ROR1: variants seen among roughly 807,000 people sequenced by gnomAD.
The protein encoded by ROR1 is inactive tyrosine-protein kinase transmembrane receptor ROR1.
In ROR1, 19 loss-of-function variants were observed where a neutral mutation model predicts 78.8. That is an observed-to-expected ratio of 0.24 (90% CI 0.17 to 0.35). ROR1 has a LOEUF of 0.35. Among genes scored for constraint, ROR1 ranks in the 10% least tolerant of loss-of-function variants. The pLI is 1.00. For missense variants in ROR1, 917 were observed against 1,177.8 expected, an observed-to-expected ratio of 0.78 and a Z score of 3.24; for synonymous variants, 386 against 433.6, an observed-to-expected ratio of 0.89 and a Z score of 1.36.
intron 8 of ROR1, among the ~76,000 whole-genome samples, chr1:64,174,216 C>T (rs531860080): frequency 2.3e-4 from 35 of 152,176 alleles, no homozygotes; most frequent in African/African-American, 7.7e-4. Context: ...CTAGATAGTA[C>T]ATTAGTTCAT....
chr1:63,999,125 A>T (rs1403784478), intron 1 of ROR1, among the ~76,000 whole-genome samples: 4 of 152,238 alleles, frequency 2.6e-5, no homozygotes, highest in Non-Finnish European at 5.9e-5. Flanking sequence ...ACTAATACAG[A>T]AATACAGACG....
intron 1 of ROR1, chr1:63,843,371 A>G: frequency 1.2e-6 from 1 of 813,200 alleles, no homozygotes; most frequent in Non-Finnish European, 2.1e-6. Flanking sequence ...GAGCAGACTC[A>G]GGGACCCAGA....
At chr1:63,806,413 G>A (rs1644829449) in intron 1 of ROR1, among the ~76,000 whole-genome samples, 1 of 151,472 alleles carries the variant, frequency 6.6e-6, no homozygotes, top group Non-Finnish European at 1.5e-5. Flanking sequence ...CACCTCCCAG[G>A]TTCACGCCAC....
intron 1 of ROR1, among the ~76,000 whole-genome samples, chr1:63,998,844 G>A (rs1646360285): frequency 6.6e-6 from 1 of 152,182 alleles, no homozygotes; most frequent in African/African-American, 2.4e-5. Flanking sequence ...CATGTGTTGA[G>A]GGACCCAGTG....
At chr1:63,953,419 T>A (rs1261879626) in intron 1 of ROR1, among the ~76,000 whole-genome samples, 1 of 152,184 alleles carries the variant, frequency 6.6e-6, no homozygotes, top group East Asian at 1.9e-4. Context: ...TAATAACTAG[T>A]AAGATAGGAC....
At chr1:63,946,306 A>G (rs1645888734) in intron 1 of ROR1, among the ~76,000 whole-genome samples, 1 of 152,214 alleles carries the variant, frequency 6.6e-6, no homozygotes, top group South Asian at 2.1e-4. Flanking sequence ...GGGCAGGAAG[A>G]GAACATCTTC....
intron 1 of ROR1, among the ~76,000 whole-genome samples, chr1:63,860,590 C>CACACACACACACAT (rs1645174321): frequency 6.7e-6 from 1 of 148,724 alleles, no homozygotes; most frequent in African/African-American, 2.5e-5. Context: ...CACACACACA[C>CACACACACACACAT]ACACACACAC....
chr1:63,924,209 T>G (rs1645680433), intron 1 of ROR1, among the ~76,000 whole-genome samples: 1 of 152,114 alleles, frequency 6.6e-6, no homozygotes, highest in Non-Finnish European at 1.5e-5. Context: ...TTAATTTTCT[T>G]CATGTACTCA....
intron 1 of ROR1, among the ~76,000 whole-genome samples, chr1:63,815,624 A>G (rs1644887650): frequency 1.3e-5 from 2 of 151,946 alleles, no homozygotes; most frequent in South Asian, 2.1e-4. Flanking sequence ...TAACCTTTCA[A>G]AACAACTCCT....
Position 64,140,291 on chromosome 1 carries a change from A to G in ROR1, c.793A>G (p.Ile265Val), listed in dbSNP as rs374301942. Residue 265 changes from isoleucine to valine, a missense_variant, in exon 6 of 9, where the codon ATT becomes GTT. Ile to Val is a conservative substitution (Grantham distance 29). Around this residue, in one of 3 missense-constraint regions of ROR1, gnomAD observed 835 missense variants for 1,069.8 expected, o/e 0.78. Transcript: ENST00000371079. ...GAATGTCCTGTGTCAAACAGAGTAC[A>G]TTTTTGCAAGATCAAATCCCATGAT... ...LENVLCQTEY[I>V]FARSNPMILM... The G allele has an allele frequency of 9.9e-6, 16 of 1,614,020 alleles. No homozygotes were observed. The highest frequency in any genetic ancestry group is 1.7e-5 in the Admixed American group (1 of 59,996).
intron 1 of ROR1, among the ~76,000 whole-genome samples, chr1:63,777,046 G>A (rs1473893925): frequency 1.3e-5 from 2 of 152,080 alleles, no homozygotes; most frequent in Non-Finnish European, 2.9e-5. Context: ...TTGTTAGCCA[G>A]GAGAAGAAAA....
chr1:63,792,536 T>C (rs1471967586), intron 1 of ROR1, among the ~76,000 whole-genome samples: 2 of 152,236 alleles, frequency 1.3e-5, no homozygotes, highest in African/African-American at 4.8e-5. Context: ...CCTGGCCTGC[T>C]ACTCATCTGC....
chr1:63,996,233 G>A (rs750455487), intron 1 of ROR1, among the ~76,000 whole-genome samples: 1 of 152,136 alleles, frequency 6.6e-6, no homozygotes, highest in Non-Finnish European at 1.5e-5. Flanking sequence ...AAAGTGCAAA[G>A]TCTCTTAAGA....
At chr1:64,016,009 G>A (rs541289196) in intron 2 of ROR1, among the ~76,000 whole-genome samples, 3 of 152,098 alleles carry the variant, frequency 2.0e-5, no homozygotes, top group East Asian at 1.9e-4. Context: ...TCTCTTGACC[G>A]CCCCCTCCCC....
intron 2 of ROR1, among the ~76,000 whole-genome samples, chr1:64,025,701 A>G (rs1646603424): frequency 6.6e-6 from 1 of 152,200 alleles, no homozygotes. Context: ...GGAATGAATT[A>G]ATGACATTTG....
At chr1:63,857,241 AGTT>A (rs1024003087) in intron 1 of ROR1, among the ~76,000 whole-genome samples, 15 of 152,022 alleles carry the variant, frequency 9.9e-5, no homozygotes, top group African/African-American at 3.1e-4. Context: ...CTAGATAATC[AGTT>A]GTTGTTGATG....
chr1:63,869,423 G>T (rs535321275), intron 1 of ROR1, among the ~76,000 whole-genome samples: 76 of 152,250 alleles, frequency 5.0e-4, no homozygotes, highest in African/African-American at 1.7e-3. Context: ...TGGCTTCTAT[G>T]CCAACCTGCC....
In ROR1 at chr1:64,176,208, C is replaced by T. The variant is rs1034335278; in HGVS notation, c.1387-1220C>T. 2.6e-5 allele frequency among the ~76,000 whole-genome samples: 4 copies of T among 152,146 alleles called. 1 individual carries two copies. Among genetic ancestry groups the T allele is most frequent in the Admixed American group, 6.5e-5 (1 of 15,282 alleles). On this transcript the variant is annotated intron_variant, in intron 8 of 8. Coordinates refer to ENST00000371079, the MANE Select transcript of ROR1 (RefSeq NM_005012.4). ...GGTCAATTAATAAACAACCCACTTG[C>T]GAAGACCTAGGGATATACGTTGGTA...
intron 1 of ROR1, among the ~76,000 whole-genome samples, chr1:63,958,513 A>G (rs1471074238): frequency 6.6e-6 from 1 of 152,202 alleles, no homozygotes; most frequent in Non-Finnish European, 1.5e-5. Flanking sequence ...AGAATTGTAA[A>G]TTATTTCTCT....
Sources: allele counts gnomAD v4.1 joint callset (sites outside exome capture counted in the v4.1 genomes callset), GRCh38; gene constraint gnomAD v4.1.1; regional missense constraint gnomAD v4.1.1; transcripts MANE v1.5; gene names NCBI Gene and HGNC (gene_info 2026-07-23, HGNC 2026-07-21).